The following CDH13 variants were observed in gnomAD, a reference collection of about 807,000 sequenced individuals.
CDH13 encodes cadherin-13.
CDH13 carries 24 observed loss-of-function variants against 63.8 expected under a neutral mutation model. The observed-to-expected ratio is 0.38, with a 90% confidence interval of 0.27 to 0.53. The LOEUF (loss-of-function observed/expected upper bound fraction) is 0.53. CDH13 is among the 20% of genes least tolerant of loss of function. The pLI is 0.85. For synonymous variants in CDH13, 503 were observed against 355.3 expected, an observed-to-expected ratio of 1.42 and a Z score of -4.67; for missense variants, 1,049 against 903.1, an observed-to-expected ratio of 1.16 and a Z score of -2.07.
intron 2 of CDH13, among the ~76,000 whole-genome samples, chr16:82,902,493 C>T (rs1164345038): frequency 2.0e-5 from 3 of 152,036 alleles, no homozygotes; most frequent in South Asian, 4.1e-4. Flanking sequence ...GGCAGTGCCA[C>T]AGCTCAGCAC....
At chr16:83,103,997 A>G (rs907895438) in intron 3 of CDH13, among the ~76,000 whole-genome samples, 5 of 152,240 alleles carry the variant, frequency 3.3e-5, no homozygotes, top group Non-Finnish European at 7.3e-5. Context: ...TCTTGGTCCC[A>G]TAATAGTTTT....
intron 2 of CDH13, among the ~76,000 whole-genome samples, chr16:82,895,689 CT>C (rs35076608): frequency 0.79 from 116,273 of 147,738 alleles, 45,599 homozygotes; most frequent in East Asian, 0.87. Flanking sequence ...ACGCCTCTCC[CT>C]TTTTTTTTTT....
At chr16:82,874,951 C>G (rs981378547) in intron 2 of CDH13, among the ~76,000 whole-genome samples, 1 of 152,160 alleles carries the variant, frequency 6.6e-6, no homozygotes, top group African/African-American at 2.4e-5. Flanking sequence ...GTAATCAAAT[C>G]GCATTGTCCA....
chr16:83,719,333 C>G (rs1909368918), intron 10 of CDH13, among the ~76,000 whole-genome samples: 1 of 152,158 alleles, frequency 6.6e-6, no homozygotes, highest in Non-Finnish European at 1.5e-5. Context: ...TTACCTCATT[C>G]AGTCATCCCA....
At chr16:83,479,657 C>A (rs202182299) in intron 6 of CDH13, among the ~76,000 whole-genome samples, 4 of 150,870 alleles carry the variant, frequency 2.7e-5, no homozygotes, top group African/African-American at 7.3e-5. Context: ...ACTCCGTCTC[C>A]AAAAAAAAAC....
rs375958757 is a variant in CDH13 at position 82,627,069 on chromosome 16, G to A, written c.-24G>A. On this transcript the variant is annotated 5_prime_UTR_variant, in exon 1 of 14. Coordinates refer to ENST00000567109, the MANE Select transcript of CDH13 (RefSeq NM_001257.5). ...AGCCGCGTGCATGAATGAAAACGCC[G>A]CCGGGCGCTTCTAGTCGGACAAAAT... 1.3e-4 allele frequency: 207 copies of A among 1,587,144 alleles called. No homozygotes were observed. Among genetic ancestry groups the A allele is most frequent in the Middle Eastern group, 1.7e-4 (1 of 6,030 alleles).
At chr16:83,186,620 C>G (rs2038533588) in intron 4 of CDH13, among the ~76,000 whole-genome samples, 1 of 152,156 alleles carries the variant, frequency 6.6e-6, no homozygotes. Context: ...TACCCCTTCT[C>G]TGCCCAAGAC....
At chr16:83,240,205 G>A (rs1904312593) in intron 5 of CDH13, among the ~76,000 whole-genome samples, 1 of 152,056 alleles carries the variant, frequency 6.6e-6, no homozygotes, top group South Asian at 2.1e-4. Flanking sequence ...CCCCTTCTTG[G>A]CAACCCTGGA....
intron 4 of CDH13, among the ~76,000 whole-genome samples, chr16:83,163,650 T>C (rs192360751): frequency 7.2e-5 from 11 of 152,142 alleles, no homozygotes; most frequent in Admixed American, 5.2e-4. Flanking sequence ...TCATCTCCAC[T>C]CTCTTTCTTT....
chr16:83,558,963 G>GC (rs11464396), intron 7 of CDH13, among the ~76,000 whole-genome samples: 1 of 151,694 alleles, frequency 6.6e-6, no homozygotes, highest in Non-Finnish European at 1.5e-5. Flanking sequence ...CAACACCATG[G>GC]AGGACCACAG....
At chr16:83,037,065 G>T (rs1009551483) in intron 3 of CDH13, among the ~76,000 whole-genome samples, 1 of 152,186 alleles carries the variant, frequency 6.6e-6, no homozygotes, top group Admixed American at 6.5e-5. Flanking sequence ...AAACAGGCAG[G>T]ATAAAAATAG....
At chr16:83,629,059 T>C (rs192831893) in intron 8 of CDH13, among the ~76,000 whole-genome samples, 33 of 152,366 alleles carry the variant, frequency 2.2e-4, no homozygotes, top group African/African-American at 7.9e-4. Flanking sequence ...CTCTTCCTTA[T>C]GTTCCTGCTA....
chr16:83,180,413 T>C (rs1488732263), intron 4 of CDH13, among the ~76,000 whole-genome samples: 2 of 152,172 alleles, frequency 1.3e-5, no homozygotes, highest in African/African-American at 4.8e-5. Context: ...TGGATTATCA[T>C]AATCTATGTT....
intron 1 of CDH13, among the ~76,000 whole-genome samples, chr16:82,796,220 C>G (rs1028488378): frequency 6.6e-6 from 1 of 152,072 alleles, no homozygotes; most frequent in Non-Finnish European, 1.5e-5. Flanking sequence ...AGGACTCTAG[C>G]CAGAAACTGG....
Position 83,572,211 on chromosome 16 carries a change from A to T in CDH13, c.961-30243A>T, listed in dbSNP as rs1046452882. Among the ~76,000 whole-genome samples the T allele has an allele frequency of 5.8e-3, 408 of 70,236 alleles. 5 individuals carry two copies. The highest frequency in any genetic ancestry group is 0.024 in the Admixed American group (161 of 6,644). The allele number at this position is 70,236 out of a possible 152,430, so 46.1% of individuals were successfully genotyped here. On this transcript the variant is annotated intron_variant, in intron 7 of 13. Coordinates refer to ENST00000567109, the MANE Select transcript of CDH13 (RefSeq NM_001257.5). ...GTGTGTGTGTGTGTGTGTGTGTGTG[A>T]GTTTCACTATTGTTGCCCAGGTTGG...
chr16:83,508,992 C>T (rs2074491922), intron 7 of CDH13, among the ~76,000 whole-genome samples: 1 of 152,208 alleles, frequency 6.6e-6, no homozygotes, highest in South Asian at 2.1e-4. Flanking sequence ...GCTCTGTGTG[C>T]ATGAGTGCCT....
intron 1 of CDH13, among the ~76,000 whole-genome samples, chr16:82,768,838 A>G (rs2035158321): frequency 1.3e-5 from 2 of 152,222 alleles, no homozygotes; most frequent in African/African-American, 4.8e-5. Context: ...AGCAAAGAAG[A>G]TCAGAAGCAA....
chr16:83,023,710 A>AAT (rs1419967708), intron 2 of CDH13, among the ~76,000 whole-genome samples: 1 of 152,188 alleles, frequency 6.6e-6, no homozygotes, highest in East Asian at 1.9e-4. Flanking sequence ...ATATCTACTT[A>AAT]AAAGTTTGAG....
At chr16:82,740,441 A>G (rs901979967) in intron 1 of CDH13, among the ~76,000 whole-genome samples, 2 of 152,190 alleles carry the variant, frequency 1.3e-5, no homozygotes, top group Non-Finnish European at 2.9e-5. Flanking sequence ...TTAAACAGAG[A>G]TGGGCTGTAT....
Sources: gnomAD v4.1 joint callset for allele counts (sites outside exome capture counted in the v4.1 genomes callset) on GRCh38, gnomAD v4.1.1 for gene constraint, MANE v1.5 for transcripts, NCBI Gene and HGNC (gene_info 2026-07-23, HGNC 2026-07-21) for gene names.